SCN10A: variants seen among roughly 807,000 people sequenced by gnomAD.
The protein encoded by SCN10A is sodium voltage-gated channel alpha subunit 10.
SCN10A carries 162 observed loss-of-function variants against 170.7 expected under a neutral mutation model. That is an observed-to-expected ratio of 0.95 (90% CI 0.84 to 1.08). The LOEUF is 1.08. Ranked by LOEUF, SCN10A falls within the 50% of genes least tolerant of loss-of-function variation. The pLI is 0.00. For synonymous variants in SCN10A, 985 were observed against 904.6 expected (o/e 1.09, Z -1.59); for missense variants, 2,527 against 2,436.9 (o/e 1.04, Z -0.78).
Position 38,795,341 on chromosome 3 carries a change from C to CTT in SCN10A, c.-32-1301_-32-1300dup, listed in dbSNP as rs201748424. 5.4e-3 allele frequency among the ~76,000 whole-genome samples: 694 copies of CTT among 127,830 alleles called. 29 individuals carry two copies. Among genetic ancestry groups the CTT allele is most frequent in the African/African-American group, 0.013 (415 of 33,084 alleles). 83.9% of individuals were successfully genotyped at this position (127,830 alleles called of 152,430 possible). A position where few individuals can be genotyped will look rare whatever the true frequency, so the allele number is the denominator to read the frequency against. On this transcript the variant is annotated intron_variant, in intron 1 of 27. Coordinates refer to ENST00000449082, the MANE Select transcript of SCN10A (RefSeq NM_006514.4). Reference sequence around the variant, plus strand: ...TTGTCTTTTTTGTTTTTTTCTTTTTCTTTTTCTTTTTTTTTTTTTGAGACA... The same window carrying CTT: ...TTGTCTTTTTTGTTTTTTTCTTTTTCTTTTTTTCTTTTTTTTTTTTTGAGACA...
rs1217055289 is a variant in SCN10A, at chr3:38,714,045, T to C, written c.3717A>G (p.Glu1239=). 3.7e-6 allele frequency: 6 copies of C among 1,614,204 alleles called. No individual in the cohort carries two copies. Among genetic ancestry groups the C allele is most frequent in the South Asian group, 1.1e-5 (1 of 91,088 alleles). The change falls in exon 22 of 28, where the codon GAA becomes GAG. Residue 1239 remains glutamate, a synonymous_variant. Coordinates refer to ENST00000449082, the MANE Select transcript of SCN10A (RefSeq NM_006514.4). ...SLISLTAKIL[E]YSEVAPIKAL... ...CTTTGATGGGAGCCACTTCAGAATA[T>C]TCCAGAATCTTCGCTGTGAGACTTA...
chr3:38,701,014 C>G (rs2063150454), intron 27 of SCN10A, among the ~76,000 whole-genome samples: 1 of 152,190 alleles, frequency 6.6e-6, no homozygotes, highest in Non-Finnish European at 1.5e-5. Flanking sequence ...CCCTTGGAAA[C>G]TCTGTGACCC....
intron 8 of SCN10A, among the ~76,000 whole-genome samples, chr3:38,760,108 C>T (rs932018865): frequency 2.6e-5 from 4 of 152,166 alleles, no homozygotes; most frequent in Admixed American, 2.0e-4. Flanking sequence ...CAGCTCTTTC[C>T]ATTGAGTGAT....
intron 13 of SCN10A, among the ~76,000 whole-genome samples, chr3:38,748,698 C>T (rs542672440): frequency 2.0e-5 from 3 of 152,210 alleles, no homozygotes; most frequent in African/African-American, 7.2e-5. Flanking sequence ...AAGTCATCAC[C>T]CAGCTCCTCT....
intron 20 of SCN10A, 87 bp downstream of exon 20, chr3:38,722,171 G>A (rs2063396588): frequency 3.0e-6 from 4 of 1,321,128 alleles, no homozygotes; most frequent in Non-Finnish European, 3.2e-6. Context: ...GTAGTCAGGA[G>A]AACCCACTGA....
intron 4 of SCN10A, among the ~76,000 whole-genome samples, chr3:38,774,278 G>A (rs931597741): frequency 3.9e-5 from 6 of 152,126 alleles, no homozygotes; most frequent in Non-Finnish European, 7.4e-5. Context: ...TTGTTGGGAA[G>A]CTTTGATGGA....
chr3:38,807,000 C>T (rs901571341), intron 1 of SCN10A, among the ~76,000 whole-genome samples: 1 of 152,110 alleles, frequency 6.6e-6, no homozygotes, highest in Non-Finnish European at 1.5e-5. Flanking sequence ...TTTCGAATTT[C>T]CCCTTTACCC....
At chr3:38,729,141 G>A (rs1440602041) in intron 15 of SCN10A, among the ~76,000 whole-genome samples, 1 of 152,152 alleles carries the variant, frequency 6.6e-6, no homozygotes, top group Non-Finnish European at 1.5e-5. Flanking sequence ...GGCTGAGTCA[G>A]GGTCTTCTAC....
chr3:38,697,539 A>T lies in SCN10A; in HGVS notation c.5681T>A (p.Phe1894Tyr), dbSNP rs1386947593. 2.5e-6 allele frequency: 4 copies of T among 1,614,076 alleles called. No individual in the cohort carries two copies. In the Admixed American group the frequency reaches 6.7e-5, roughly 27 times the overall value. ...EEAASLPDEG[F>Y]VAFTANENCV... is the part of the protein sequence containing the mutation. ...ATTTTCATTTGCTGTGAATGCAACA[A>T]AACCTTCATCTGGGAGTGATGCAGC... The change falls in exon 28 of 28, where the codon TTT becomes TAT. Residue 1894 changes from phenylalanine to tyrosine, a missense_variant. By Grantham distance (22) the Phe-to-Tyr change is conservative. Coordinates refer to ENST00000449082, the MANE Select transcript of SCN10A (RefSeq NM_006514.4).
At chr3:38,715,588 G>C (rs1004962665) in intron 21 of SCN10A, among the ~76,000 whole-genome samples, 2 of 152,124 alleles carry the variant, frequency 1.3e-5, no homozygotes, top group African/African-American at 2.4e-5. Flanking sequence ...TCAGCCTTTA[G>C]CTAAGACGGG....
At chr3:38,761,103 C>T (rs1276634709) in intron 7 of SCN10A, 89 bp downstream of exon 7, 16 of 1,038,402 alleles carry the variant, frequency 1.5e-5, no homozygotes, top group South Asian at 1.6e-5. Flanking sequence ...TATGTCTATA[C>T]ACACACACAG....
At position 38,736,970 on chromosome 3, in the gene SCN10A, T is replaced by TTTTG. The variant is rs1348108771; in HGVS notation, c.2280+2544_2280+2545insCAAA. On this transcript the variant is annotated intron_variant, in intron 15 of 27. Transcript: ENST00000449082. ...AGTGTAGCAGAAATGTTCGTTTTTTTTTTTTTTTTTTTTTTTTTGAGACGG... is the reference window on the plus strand; with the variant it reads ...AGTGTAGCAGAAATGTTCGTTTTTTTTTTGTTTTTTTTTTTTTTTTTTGAGACGG... Among the ~76,000 whole-genome samples the TTTTG allele has an allele frequency of 1.2e-3, 112 of 93,128 alleles. 11 individuals carry two copies. The highest frequency in any genetic ancestry group is 1.9e-3 in the Non-Finnish European group (88 of 45,326). The allele number at this position is 93,128 out of a possible 152,430, so 61.1% of individuals were successfully genotyped here. A position where few individuals can be genotyped will look rare whatever the true frequency, so the allele number is the denominator to read the frequency against.
intron 20 of SCN10A, among the ~76,000 whole-genome samples, chr3:38,721,252 G>A (rs540866519): frequency 1.2e-4 from 18 of 152,188 alleles, no homozygotes; most frequent in Non-Finnish European, 2.2e-4. Flanking sequence ...CACATGAGGC[G>A]CAAGATGAGT....
chr3:38,709,130 G>C (rs2063243203), intron 25 of SCN10A, among the ~76,000 whole-genome samples: 1 of 152,048 alleles, frequency 6.6e-6, no homozygotes, highest in African/African-American at 2.4e-5. Context: ...AGTCCTTTGT[G>C]GGGATCATAT....
chr3:38,697,314 T>A lies in SCN10A; in HGVS notation c.*35A>T. The A allele has an allele frequency of 6.2e-7, 1 of 1,604,992 alleles. No individual in the cohort carries two copies. The highest frequency in any genetic ancestry group is 8.5e-7 in the Non-Finnish European group (1 of 1,174,102). The stretch of plus-strand genomic sequence containing the variant: ...AGTTAACACAGAGCAGAAGGACGCA[T>A]CATAACTGAACATATCCAGGCTGGA... On this transcript the variant is annotated 3_prime_UTR_variant, in exon 28 of 28. Coordinates refer to ENST00000449082, the MANE Select transcript of SCN10A (RefSeq NM_006514.4).
In SCN10A at chr3:38,792,164, A is replaced by G; in HGVS notation, c.275T>C (p.Phe92Ser). ...LDPFYSTHRT[F>S]MVLNKGRTIS... ...GGTCCTCCCTTTGTTCAGCACCATA[A>G]ATGTCTGAAACAAAACAAAACAGAA... Residue 92 changes from phenylalanine (F) to serine (S), a missense_variant, in exon 3 of 28, where the codon TTT (phenylalanine) becomes TCT (serine). Physicochemically the swap from Phe to Ser is radical, Grantham distance 155. Coordinates refer to ENST00000449082, the MANE Select transcript of SCN10A (RefSeq NM_006514.4). 1 of 1,613,348 alleles carries G rather than the reference A, an allele frequency of 6.2e-7. No individual in the cohort carries two copies. Among genetic ancestry groups the G allele is most frequent in the Non-Finnish European group, 8.5e-7 (1 of 1,179,686 alleles).
At chr3:38,800,516 G>A (rs1236948340) in intron 1 of SCN10A, among the ~76,000 whole-genome samples, 1 of 152,182 alleles carries the variant, frequency 6.6e-6, no homozygotes, top group Non-Finnish European at 1.5e-5. Context: ...TACTCCCACA[G>A]TCTTAGGGCC....
chr3:38,757,263 C>T, intron 8 of SCN10A, 104 bp from the exon 9 acceptor site: 1 of 1,105,276 alleles, frequency 9.0e-7, no homozygotes, highest in Non-Finnish European at 1.3e-6. Context: ...GAGTTCAAGA[C>T]CTAGTCTTCC....
intron 4 of SCN10A, among the ~76,000 whole-genome samples, chr3:38,787,085 T>C (rs1345370347): frequency 6.6e-6 from 1 of 152,192 alleles, no homozygotes; most frequent in African/African-American, 2.4e-5. Context: ...TGTTGAAATA[T>C]TGATTTGAGG....
Sources: allele counts gnomAD v4.1 joint callset (sites outside exome capture counted in the v4.1 genomes callset), GRCh38; gene constraint gnomAD v4.1.1; transcripts MANE v1.5; gene names NCBI Gene and HGNC (gene_info 2026-07-23, HGNC 2026-07-21).